The following LIN9 variants were observed in gnomAD, a reference collection of about 807,000 sequenced individuals.
The protein encoded by LIN9 is lin-9 DREAM MuvB core complex component.
LIN9 carries 18 observed loss-of-function variants against 78.0 expected under a neutral mutation model. The observed-to-expected ratio is 0.23, with a 90% CI of 0.16 to 0.34. The LOEUF is 0.34. Ranked by LOEUF, LIN9 falls within the 10% of genes least tolerant of loss-of-function variation. The pLI, the probability that LIN9 is intolerant of heterozygous loss-of-function variation, is 1.00. For synonymous variants in LIN9, 192 were observed against 215.2 expected (o/e 0.89, Z 0.94); for missense variants, 451 against 644.1 (o/e 0.70, Z 3.25).
At chr1:226,266,153 G>T in intron 9 of LIN9, 60 bp downstream of exon 9, 1 of 1,234,408 alleles carries the variant, frequency 8.1e-7, no homozygotes, top group South Asian at 1.9e-5. Flanking sequence ...TATTTCTTAA[G>T]AACATAGTTC....
Position 226,231,807 on chromosome 1 carries a change from C to A in LIN9, c.*694G>T. The A allele has an allele frequency of 5.0e-6, 1 of 201,236 alleles. No homozygotes were observed. Among genetic ancestry groups the A allele is most frequent in the Non-Finnish European group, 9.8e-6 (1 of 101,842 alleles). The allele number at this position is 201,236 out of a possible 1,614,324, so 12.5% of individuals were successfully genotyped here. A position where few individuals can be genotyped will look rare whatever the true frequency, so the allele number is the denominator to read the frequency against. On this transcript the variant is annotated 3_prime_UTR_variant, in exon 15 of 15. Transcript: ENST00000681046. ...GCCAAATCCATTTTTAGAAATTTAG[C>A]ATTTTGCACCTTTTTTCCCCCTGTT...
intron 11 of LIN9, among the ~76,000 whole-genome samples, chr1:226,247,014 GTCTCT>G (rs2102857488): frequency 6.6e-6 from 1 of 151,370 alleles, no homozygotes; most frequent in African/African-American, 2.4e-5. Flanking sequence ...CCTATTTATC[GTCTCT>G]TCTCTTCTAA....
At position 226,232,590 on chromosome 1, in the gene LIN9, C is replaced by T; in HGVS notation, c.1540G>A (p.Val514Ile). The change falls in exon 15 of 15, where the codon GTA (valine) becomes ATA (isoleucine). Residue 514 changes from valine to isoleucine, a missense_variant. Transcript: ENST00000681046. ...TGAATATGTGCAACATGGATTTCTACATTATTCTGAAAGCAACTAAAGAAA... is the reference window on the plus strand; with the variant it reads ...TGAATATGTGCAACATGGATTTCTATATTATTCTGAAAGCAACTAAAGAAA... ...ASNISCFQNN[V>I]EIHVAHIQSG... The T allele has an allele frequency of 6.2e-7, 1 of 1,604,480 alleles. No individual in the cohort carries two copies. The highest frequency in any genetic ancestry group is 8.5e-7 in the Non-Finnish European group (1 of 1,174,490).
intron 7 of LIN9, among the ~76,000 whole-genome samples, chr1:226,277,509 C>A (rs1162501594): frequency 1.3e-5 from 2 of 152,086 alleles, no homozygotes; most frequent in Non-Finnish European, 2.9e-5. Context: ...CCCATGTGTA[C>A]GTGTAAACAC....
At chr1:226,263,799 T>C (rs1042115649) in intron 10 of LIN9, among the ~76,000 whole-genome samples, 1 of 152,182 alleles carries the variant, frequency 6.6e-6, no homozygotes, top group Admixed American at 6.6e-5. Flanking sequence ...TGGCTGGGCA[T>C]GGTGACTCAA....
intron 12 of LIN9, among the ~76,000 whole-genome samples, chr1:226,235,093 G>C (rs945348112): frequency 4.0e-5 from 6 of 151,744 alleles, no homozygotes; most frequent in African/African-American, 1.5e-4. Flanking sequence ...AGTACTTTGG[G>C]AGGCCGAGGT....
At chr1:226,275,688 T>C (rs1190795650) in intron 7 of LIN9, among the ~76,000 whole-genome samples, 52 of 92,240 alleles carry the variant, frequency 5.6e-4, no homozygotes, top group African/African-American at 2.1e-3. Flanking sequence ...CAAGACTCCG[T>C]CTCAGAAAAA....
At chr1:226,295,120 C>T (rs1332224684) in intron 4 of LIN9, among the ~76,000 whole-genome samples, 1 of 151,768 alleles carries the variant, frequency 6.6e-6, no homozygotes, top group Non-Finnish European at 1.5e-5. Flanking sequence ...TTTTTAAATG[C>T]CAAAAATAAA....
In LIN9 at chr1:226,250,935, A is replaced by C; in HGVS notation, c.1039-16T>G. On this transcript the variant is annotated splice_polypyrimidine_tract_variant and intron_variant, in intron 10 of 14. Transcript: ENST00000681046. ...ATAATCTGGTCTACAGACAAAGAAG[A>C]AATATTTTAGAATAAACAGAGGCAT... The C allele has an allele frequency of 7.6e-7, 1 of 1,311,492 alleles. No individual in the cohort carries two copies. The highest frequency in any genetic ancestry group is 1.1e-6 in the Non-Finnish European group (1 of 926,138). The allele number at this position is 1,311,492 out of a possible 1,614,324, so 81.2% of individuals were successfully genotyped here.
chr1:226,286,673 G>A (rs1013824260), intron 5 of LIN9, among the ~76,000 whole-genome samples: 1 of 152,186 alleles, frequency 6.6e-6, no homozygotes, highest in African/African-American at 2.4e-5. Flanking sequence ...GTGATTCCAA[G>A]AGACACTGAT....
chr1:226,308,445 G>T (rs1411366063), intron 1 of LIN9, among the ~76,000 whole-genome samples: 2 of 152,286 alleles, frequency 1.3e-5, no homozygotes, highest in East Asian at 1.9e-4. Flanking sequence ...GCGGGACGGG[G>T]TCTACCTGAA....
At chr1:226,274,992 T>C (rs1311417926) in intron 7 of LIN9, among the ~76,000 whole-genome samples, 1 of 152,216 alleles carries the variant, frequency 6.6e-6, no homozygotes, top group East Asian at 1.9e-4. Context: ...TGATGGCTTT[T>C]TTATTGACTT....
In LIN9 at chr1:226,295,922, G is replaced by A. The variant is rs1426430084; in HGVS notation, c.184C>T (p.Arg62Ter). Residue 62 changes from arginine to a stop codon, truncating the protein, a stop_gained, in exon 4 of 15, where the codon CGA becomes TGA. Transcript: ENST00000681046. LOFTEE classifies it high-confidence loss of function. ...EMPFRNSKRSRLFSDEDDRQI... is the reference protein window; with the variant it reads ...EMPFRNSKRS The stretch of plus-strand genomic sequence containing the variant: ...CTATCATCTTCATCAGAAAAAAGTC[G>A]ACTTCGTTTTGAATTTCTGAAAGGC... 3 of 1,611,406 alleles carry A rather than the reference G, an allele frequency of 1.9e-6. No individual in the cohort carries two copies. Among genetic ancestry groups the A allele is most frequent in the Non-Finnish European group, 2.5e-6 (3 of 1,178,962 alleles).
chr1:226,302,314 T>C (rs1662593326), intron 1 of LIN9, among the ~76,000 whole-genome samples: 1 of 151,952 alleles, frequency 6.6e-6, no homozygotes. Flanking sequence ...GAGGCCGAGG[T>C]GGGCGGATCA....
intron 2 of LIN9, among the ~76,000 whole-genome samples, chr1:226,300,067 T>C: frequency 6.6e-6 from 1 of 151,858 alleles, no homozygotes; most frequent in East Asian, 1.9e-4. Context: ...GCCTCTCAAG[T>C]AGCTGGGATT....
intron 10 of LIN9, among the ~76,000 whole-genome samples, chr1:226,261,138 TAAAA>T (rs144773143): frequency 7.1e-6 from 1 of 140,904 alleles, no homozygotes; most frequent in Non-Finnish European, 1.6e-5. Context: ...CTCAACCTGA[TAAAA>T]AAAAAAAAAA....
At chr1:226,292,332 G>C (rs983707861) in intron 4 of LIN9, among the ~76,000 whole-genome samples, 1 of 152,060 alleles carries the variant, frequency 6.6e-6, no homozygotes, top group Admixed American at 6.6e-5. Context: ...GCTAATTTTT[G>C]TATTTTTGGT....
chr1:226,250,927 C>G lies in LIN9; in HGVS notation c.1039-8G>C. 1 of 1,356,998 alleles carries G rather than the reference C, an allele frequency of 7.4e-7. No individual in the cohort carries two copies. Among genetic ancestry groups the G allele is most frequent in the Non-Finnish European group, 1.0e-6 (1 of 966,296 alleles). 84.1% of individuals were successfully genotyped at this position (1,356,998 alleles called of 1,614,324 possible). ...AATTTTTGATAATCTGGTCTACAGA[C>G]AAAGAAGAAATATTTTAGAATAAAC... is the stretch of plus-strand genomic sequence containing the variant. On this transcript the variant is annotated splice_region_variant and splice_polypyrimidine_tract_variant and intron_variant, in intron 10 of 14. Coordinates refer to ENST00000681046, the MANE Select transcript of LIN9 (RefSeq NM_001366245.2).
intron 7 of LIN9, among the ~76,000 whole-genome samples, chr1:226,268,303 T>C (rs527501694): frequency 1.3e-5 from 2 of 152,288 alleles, no homozygotes; most frequent in Non-Finnish European, 2.9e-5. Context: ...ATTTCATATT[T>C]GAATAAAATT....
Sources: gnomAD v4.1 joint callset for allele counts (sites outside exome capture counted in the v4.1 genomes callset) on GRCh38, gnomAD v4.1.1 for gene constraint, MANE v1.5 for transcripts, NCBI Gene and HGNC (gene_info 2026-07-23, HGNC 2026-07-21) for gene names.